FBLN5: variants seen among roughly 807,000 people sequenced by gnomAD.
FBLN5 encodes the protein fibulin-5.
FBLN5 carries 24 observed loss-of-function variants against 61.6 expected under a neutral mutation model. The ratio of observed to expected loss-of-function variants is 0.39; its 90% CI spans 0.28 to 0.55. The LOEUF (loss-of-function observed/expected upper bound fraction) is 0.55, where lower values mean the gene tolerates loss of function less well. FBLN5 is among the 20% of genes least tolerant of loss of function. FBLN5 has a pLI of 0.65. For missense variants in FBLN5, 470 were observed against 594.1 expected (o/e 0.79, Z 2.17); for synonymous variants, 213 against 219.8 (o/e 0.97, Z 0.27).
Position 91,942,893 on chromosome 14 carries a change from A to C in FBLN5, c.72+14T>G. 6.7e-7 allele frequency: 1 copy of C among 1,501,000 alleles called. No homozygotes were observed. Among genetic ancestry groups the C allele is most frequent in the Non-Finnish European group, 9.1e-7 (1 of 1,100,964 alleles). 93.0% of individuals were successfully genotyped at this position (1,501,000 alleles called of 1,614,324 possible). On this transcript the variant is annotated intron_variant, in intron 2 of 10. Transcript: ENST00000342058. ...AATACGCTTGTAGATATTTTTTAAA[A>C]ATAAAAATCTTACCTGTGCATTCCC...
rs1158771263 is a variant in FBLN5, at chr14:91,943,085, G to A, written c.18-124C>T. 1.4e-6 allele frequency: 1 copy of A among 729,232 alleles called. No homozygotes were observed. Among genetic ancestry groups the A allele is most frequent in the African/African-American group, 1.7e-5 (1 of 57,250 alleles). The allele number at this position is 729,232 out of a possible 1,614,324, so 45.2% of individuals were successfully genotyped here. On this transcript the variant is annotated intron_variant, in intron 1 of 10. Transcript: ENST00000342058. The surrounding 1 kb of genome is among the most constrained non-coding windows in gnomAD (Gnocchi z 4.0). ...CTTGGGCTTGTATGGGGTGGGGTGT[G>A]CTCCAGGGAGGTCATGGTGGTTCCA...
Position 91,870,299 on chromosome 14 carries a change from A to G in FBLN5, c.1272T>C (p.Thr424=), listed in dbSNP as rs768338581. ...CTCTGAAGTTGATGACAGTGTTGAC[A>G]GTGATCATTTCCAAGTCCAGCTGGA... The part of the protein sequence containing the change: ...REIQLDLEMI[T]VNTVINFRGS... Residue 424 remains threonine, a synonymous_variant, in exon 11 of 11, where the codon ACT becomes ACC. Coordinates refer to ENST00000342058, the MANE Select transcript of FBLN5 (RefSeq NM_006329.4). The G allele has an allele frequency of 1.2e-6, 2 of 1,614,120 alleles. No individual in the cohort carries two copies. Among genetic ancestry groups the G allele is most frequent in the South Asian group, 1.1e-5 (1 of 91,088 alleles).
chr14:91,901,864 A>T (rs1397107067), intron 4 of FBLN5, among the ~76,000 whole-genome samples: 1 of 152,176 alleles, frequency 6.6e-6, no homozygotes, highest in Non-Finnish European at 1.5e-5. Context: ...CATTTTCCAA[A>T]CAACAAAATA....
intron 10 of FBLN5, chr14:91,873,726 A>G (rs906078149): frequency 2.6e-5 from 4 of 152,290 alleles, no homozygotes; most frequent in African/African-American, 7.2e-5. Context: ...GGACTTGACC[A>G]CGCTGGGAGT....
At chr14:91,904,819 G>A (rs1463096464) in intron 4 of FBLN5, among the ~76,000 whole-genome samples, 1 of 152,200 alleles carries the variant, frequency 6.6e-6, no homozygotes, top group Non-Finnish European at 1.5e-5. Context: ...ATGGATTTGG[G>A]GGGATACAAA....
intron 5 of FBLN5, among the ~76,000 whole-genome samples, chr14:91,893,394 C>T (rs1388581334): frequency 6.6e-6 from 1 of 152,154 alleles, no homozygotes; most frequent in Non-Finnish European, 1.5e-5. Context: ...ATGTGCAAGC[C>T]TGGAAAGGAG....
chr14:91,947,049 A>T lies in FBLN5; in HGVS notation c.17+164T>A. 6.5e-7 allele frequency: 1 copy of T among 1,538,090 alleles called. No individual in the cohort carries two copies. Among genetic ancestry groups the T allele is most frequent in the Non-Finnish European group, 8.8e-7 (1 of 1,140,676 alleles). On this transcript the variant is annotated intron_variant, in intron 1 of 10. Coordinates refer to ENST00000342058, the MANE Select transcript of FBLN5 (RefSeq NM_006329.4). This position sits in a 1 kb window ranked among gnomAD's most constrained non-coding sequence, Gnocchi z 4.3. The stretch of plus-strand genomic sequence containing the variant: ...GAACGCTTCAAGATGGAAATTACAG[A>T]GGCGCAGCTTTTTATAATTAACAAT...
intron 5 of FBLN5, 47 bp from the exon 6 acceptor site, chr14:91,891,384 T>C (rs1889989193): frequency 8.5e-7 from 1 of 1,174,122 alleles, no homozygotes; most frequent in Admixed American, 1.7e-5. Context: ...CCTCACTCAA[T>C]GATGCCCCCA....
In FBLN5 at chr14:91,919,522, A is replaced by G. The variant is rs1246196634; in HGVS notation, c.379+17425T>C. 2.6e-5 allele frequency among the ~76,000 whole-genome samples: 4 copies of G among 151,894 alleles called. No homozygotes were observed. In the East Asian group the frequency reaches 7.7e-4, roughly 29 times the overall value. ...TATAGGGTGAATCGTGTCCCTCCAA[A>G]ATTCATATATTCAAGTCCTAACCCC... On this transcript the variant is annotated intron_variant, in intron 4 of 10. Transcript: ENST00000342058.
chr14:91,926,342 G>T (rs1356711106), intron 4 of FBLN5, among the ~76,000 whole-genome samples: 1 of 152,174 alleles, frequency 6.6e-6, no homozygotes, highest in Non-Finnish European at 1.5e-5. Flanking sequence ...TCTGATGACG[G>T]GTCAGCCCAG....
In FBLN5 at chr14:91,937,059, TGAGTAGGGGGTC is replaced by T. The variant is rs763136937; in HGVS notation, c.255_266del (p.Thr86_Ser89del). 1.9e-5 allele frequency: 30 copies of T among 1,613,852 alleles called. No individual in the cohort carries two copies. Among genetic ancestry groups the T allele is most frequent in the African/African-American group, 5.3e-5 (4 of 74,820 alleles). On this transcript the variant is annotated inframe_deletion, in exon 4 of 11. Transcript: ENST00000342058. ...GTGGGGCAGCTGCTGGGTACGGACC[TGAGTAGGGGGTC>T]GAGTAGGGGTTCGAGTAGGGCCCTC...
At position 91,882,267 on chromosome 14, in the gene FBLN5, C is replaced by T. The variant is rs1423398626; in HGVS notation, c.862+687G>A. ...AGAAAATGTAAAATTACATAGATGG[C>T]TCACATCTGTAGCTCACATGATATT... On this transcript the variant is annotated intron_variant, in intron 8 of 10. Transcript: ENST00000342058. This position sits in a 1 kb window ranked among gnomAD's most constrained non-coding sequence, Gnocchi z 4.9. Among the ~76,000 whole-genome samples, 2 of 152,176 alleles carry T rather than the reference C, an allele frequency of 1.3e-5. No homozygotes were observed. Among genetic ancestry groups the T allele is most frequent in the African/African-American group, 4.8e-5 (2 of 41,434 alleles).
chr14:91,900,434 T>C (rs1016022706), intron 4 of FBLN5, among the ~76,000 whole-genome samples: 3 of 152,224 alleles, frequency 2.0e-5, no homozygotes, highest in Non-Finnish European at 4.4e-5. Flanking sequence ...ATAACACAAA[T>C]TCTAACAGAA....
intron 10 of FBLN5, among the ~76,000 whole-genome samples, chr14:91,871,960 A>C (rs1226736226): frequency 1.3e-5 from 2 of 152,192 alleles, no homozygotes; most frequent in Non-Finnish European, 2.9e-5. Flanking sequence ...TTATAAATGC[A>C]GAATCTCAGG....
At chr14:91,909,470 T>C (rs1890828736) in intron 4 of FBLN5, among the ~76,000 whole-genome samples, 1 of 152,308 alleles carries the variant, frequency 6.6e-6, no homozygotes, top group Admixed American at 6.5e-5. Context: ...GAAATTCAGT[T>C]GCCACTGTGA....
At chr14:91,894,380 G>T (rs1890119909) in intron 5 of FBLN5, among the ~76,000 whole-genome samples, 2 of 112,704 alleles carry the variant, frequency 1.8e-5, no homozygotes, top group African/African-American at 6.7e-5. Context: ...TCCAGCCTGG[G>T]CAACAGAGGG....
intron 4 of FBLN5, among the ~76,000 whole-genome samples, chr14:91,896,784 C>G (rs1427400428): frequency 6.6e-6 from 1 of 152,164 alleles, no homozygotes. Flanking sequence ...TGACCCCACT[C>G]CCACGCTGTC....
At chr14:91,899,654 C>T (rs187792529) in intron 4 of FBLN5, among the ~76,000 whole-genome samples, 128 of 152,342 alleles carry the variant, frequency 8.4e-4, no homozygotes, top group South Asian at 5.0e-3. Context: ...ACAGAAAGGG[C>T]TTTCAGGCCC....
intron 10 of FBLN5, 51 bp downstream of exon 10, chr14:91,877,436 A>G (rs1429007447): frequency 2.1e-6 from 3 of 1,442,282 alleles, no homozygotes; most frequent in Non-Finnish European, 2.9e-6. Context: ...TAGGAGAGAC[A>G]GCACAAGGCC....
Sources: allele counts gnomAD v4.1 joint callset (sites outside exome capture counted in the v4.1 genomes callset), GRCh38; gene constraint gnomAD v4.1.1; non-coding constraint Gnocchi (gnomAD v3.1); transcripts MANE v1.5; gene names NCBI Gene and HGNC (gene_info 2026-07-23, HGNC 2026-07-21).